INPP4B: variants seen among roughly 807,000 people sequenced by gnomAD.
The protein encoded by INPP4B is inositol polyphosphate 4-phosphatase type II.
A neutral mutation model predicts 122.5 loss-of-function variants in INPP4B; 55 were observed. That is an observed-to-expected ratio of 0.45 (90% CI 0.36 to 0.56). INPP4B has a LOEUF of 0.56. INPP4B is among the 20% of genes least tolerant of loss of function. INPP4B has a pLI of 0.00. For missense variants in INPP4B, 1,000 were observed against 1,097.7 expected, an observed-to-expected ratio of 0.91 and a Z score of 1.26; for synonymous variants, 403 against 388.7, an observed-to-expected ratio of 1.04 and a Z score of -0.43.
chr4:142,106,480 C>T (rs1410466923), intron 23 of INPP4B, among the ~76,000 whole-genome samples: 2 of 152,102 alleles, frequency 1.3e-5, no homozygotes, highest in Non-Finnish European at 2.9e-5. Flanking sequence ...GGGGTTTCAC[C>T]ATGTTGCCCG....
chr4:142,824,745 T>C (rs112474406), intron 1 of INPP4B, among the ~76,000 whole-genome samples: 1 of 152,082 alleles, frequency 6.6e-6, no homozygotes, highest in African/African-American at 2.4e-5. Context: ...TTTGATTACT[T>C]CAATGTTATT....
chr4:142,765,737 T>C (rs1183864694), intron 1 of INPP4B: 3 of 152,122 alleles, frequency 2.0e-5, no homozygotes, highest in Non-Finnish European at 4.4e-5. Context: ...CTTTTATTTA[T>C]ATAAACATGA....
At chr4:142,427,484 A>G (rs1322082662) in intron 5 of INPP4B, 1 of 677,438 alleles carries the variant, frequency 1.5e-6, no homozygotes. Flanking sequence ...AAATCTGGAA[A>G]TATAAGTGAT....
At chr4:142,645,049 T>C (rs1247523148) in intron 2 of INPP4B, among the ~76,000 whole-genome samples, 1 of 152,140 alleles carries the variant, frequency 6.6e-6, no homozygotes, top group Non-Finnish European at 1.5e-5. Flanking sequence ...TAAAGCTTTG[T>C]TGACAGTGTA....
intron 3 of INPP4B, among the ~76,000 whole-genome samples, chr4:142,448,613 G>A (rs1226258981): frequency 6.6e-6 from 1 of 152,108 alleles, no homozygotes; most frequent in South Asian, 2.1e-4. Flanking sequence ...GTCAAGAAAA[G>A]GTAAAACCAG....
At chr4:142,502,030 G>A (rs764301379) in intron 2 of INPP4B, among the ~76,000 whole-genome samples, 2 of 152,098 alleles carry the variant, frequency 1.3e-5, no homozygotes, top group Non-Finnish European at 2.9e-5. Context: ...GATTTGATAA[G>A]CAAGAAGGTA....
intron 1 of INPP4B, among the ~76,000 whole-genome samples, chr4:142,826,929 C>G (rs1781527217): frequency 6.6e-6 from 1 of 152,334 alleles, no homozygotes; most frequent in South Asian, 2.1e-4. Flanking sequence ...TTTGCAGCAG[C>G]ATCTCTTTGT....
chr4:142,029,121 C>T (rs1738162106), intron 25 of INPP4B: 2 of 1,282,442 alleles, frequency 1.6e-6, no homozygotes, highest in Admixed American at 3.7e-5. Context: ...AAAGAGATGA[C>T]TTAAGTCTCT....
chr4:142,057,035 C>G (rs1376651342), intron 25 of INPP4B, among the ~76,000 whole-genome samples: 1 of 152,044 alleles, frequency 6.6e-6, no homozygotes, highest in Non-Finnish European at 1.5e-5. Context: ...GTGCTAAATG[C>G]TAAGGAGACA....
chr4:142,041,417 A>G (rs568349942), intron 25 of INPP4B, among the ~76,000 whole-genome samples: 3 of 152,114 alleles, frequency 2.0e-5, no homozygotes, highest in Non-Finnish European at 4.4e-5. Context: ...CAGGAGTTTG[A>G]GACCAGCCTG....
At chr4:142,241,044 A>G (rs1579405192) in intron 11 of INPP4B, among the ~76,000 whole-genome samples, 2 of 152,274 alleles carry the variant, frequency 1.3e-5, no homozygotes, top group African/African-American at 4.8e-5. Context: ...CTGCTCACAC[A>G]CACTCCAGCT....
intron 14 of INPP4B, among the ~76,000 whole-genome samples, chr4:142,197,559 CAT>C (rs966602239): frequency 1.3e-5 from 2 of 152,186 alleles, no homozygotes; most frequent in Admixed American, 1.3e-4. Flanking sequence ...CTTTAAGACT[CAT>C]ATTCTTCACT....
intron 7 of INPP4B, among the ~76,000 whole-genome samples, chr4:142,399,988 A>T (rs1483889994): frequency 2.0e-5 from 3 of 152,168 alleles, no homozygotes; most frequent in Admixed American, 6.5e-5. Flanking sequence ...TGTTATGATG[A>T]TTAATTGCAT....
intron 2 of INPP4B, among the ~76,000 whole-genome samples, chr4:142,714,096 GCATCATACAATTA>G (rs888594555): frequency 9.9e-5 from 15 of 152,252 alleles, no homozygotes; most frequent in East Asian, 3.9e-4. Flanking sequence ...ATTCTAATGT[GCATCATACAATTA>G]CATCATAAAA....
chr4:142,473,253 C>G (rs1819205634), intron 2 of INPP4B: 1 of 152,206 alleles, frequency 6.6e-6, no homozygotes, highest in Admixed American at 6.5e-5. Context: ...GAACACTGAC[C>G]CTGCAGGCTG....
chr4:142,631,503 A>G lies in INPP4B; in HGVS notation c.-191+94336T>C, dbSNP rs527924880. On this transcript the variant is annotated intron_variant, in intron 2 of 25. Transcript: ENST00000262992. ...TGGAACAAAACAAAAAGAGAAGGAG[A>G]AAAGGATAATTGCATTATTGGAAAC... Among the ~76,000 whole-genome samples, 9 of 152,226 alleles carry G rather than the reference A, an allele frequency of 5.9e-5. No individual in the cohort carries two copies. In the South Asian group the frequency reaches 1.7e-3, roughly 28 times the overall value.
At chr4:142,271,348 T>TCC (rs1401037940) in intron 9 of INPP4B, among the ~76,000 whole-genome samples, 1 of 152,146 alleles carries the variant, frequency 6.6e-6, no homozygotes, top group African/African-American at 2.4e-5. Flanking sequence ...AGAGGTGCCC[T>TCC]CAAGGAAAGA....
At chr4:142,339,354 T>G (rs1008685556) in intron 7 of INPP4B, among the ~76,000 whole-genome samples, 10 of 152,228 alleles carry the variant, frequency 6.6e-5, no homozygotes, top group Admixed American at 2.0e-4. Context: ...AGGTAGATTA[T>G]TGTAAGTGCT....
At chr4:142,399,973 T>A (rs1297987967) in intron 7 of INPP4B, among the ~76,000 whole-genome samples, 2 of 152,120 alleles carry the variant, frequency 1.3e-5, no homozygotes, top group African/African-American at 4.8e-5. Context: ...TAGACTCTTC[T>A]CATTTGTTAT....
Sources: gnomAD v4.1 joint callset for allele counts (sites outside exome capture counted in the v4.1 genomes callset) on GRCh38, gnomAD v4.1.1 for gene constraint, MANE v1.5 for transcripts, NCBI Gene and HGNC (gene_info 2026-07-23, HGNC 2026-07-21) for gene names.